Variants in INPP4B observed in about 807,000 individuals in gnomAD.
INPP4B encodes the protein inositol polyphosphate-4-phosphatase type II B.
In INPP4B, 55 loss-of-function variants were observed where a neutral mutation model predicts 122.5. That is an observed-to-expected ratio of 0.45 (90% CI 0.36 to 0.56). The LOEUF is 0.56. Among genes scored for constraint, INPP4B ranks in the 20% least tolerant of loss-of-function variants. The probability of loss-of-function intolerance (pLI) is 0.00; values close to 1 mark genes in which losing one functional copy is unlikely to be tolerated. For synonymous variants in INPP4B, 403 were observed against 388.7 expected (o/e 1.04, Z -0.43); for missense variants, 1,000 against 1,097.7 (o/e 0.91, Z 1.26).
At chr4:142,716,528 C>T (rs1163731955) in intron 2 of INPP4B, among the ~76,000 whole-genome samples, 3 of 152,250 alleles carry the variant, frequency 2.0e-5, no homozygotes, top group African/African-American at 7.2e-5. Context: ...AGTCAACATC[C>T]TGACAATTTT....
At chr4:142,437,738 C>T (rs1580061194) in intron 3 of INPP4B, among the ~76,000 whole-genome samples, 1 of 152,144 alleles carries the variant, frequency 6.6e-6, no homozygotes, top group Non-Finnish European at 1.5e-5. Context: ...TCAGAAAATA[C>T]TATAAACACC....
At chr4:142,101,409 A>C (rs751844177) in intron 23 of INPP4B, among the ~76,000 whole-genome samples, 19 of 152,132 alleles carry the variant, frequency 1.2e-4, no homozygotes, top group African/African-American at 2.2e-4. Flanking sequence ...GGAAATACTT[A>C]AGTAGCTTCA....
chr4:142,124,078 C>A (rs904441478), intron 19 of INPP4B, among the ~76,000 whole-genome samples: 7 of 151,858 alleles, frequency 4.6e-5, no homozygotes, highest in African/African-American at 7.3e-5. Context: ...TGGGTGTAGG[C>A]AAGGAAGGTG....
At chr4:142,726,238 G>A (rs1034783047) in intron 1 of INPP4B, among the ~76,000 whole-genome samples, 2 of 152,184 alleles carry the variant, frequency 1.3e-5, no homozygotes, top group African/African-American at 2.4e-5. Flanking sequence ...CAAGATGTAA[G>A]CAATGTCAGG....
At chr4:142,771,715 C>T (rs1356013667) in intron 1 of INPP4B, among the ~76,000 whole-genome samples, 1 of 152,030 alleles carries the variant, frequency 6.6e-6, no homozygotes, top group Non-Finnish European at 1.5e-5. Flanking sequence ...ACAAGAGAAA[C>T]TCTTGTGACC....
chr4:142,636,843 CTT>C (rs1176534737), intron 2 of INPP4B, among the ~76,000 whole-genome samples: 2 of 151,834 alleles, frequency 1.3e-5, no homozygotes, highest in Admixed American at 1.3e-4. Flanking sequence ...ATGGTATTAT[CTT>C]TAAATTTTTA....
intron 2 of INPP4B, among the ~76,000 whole-genome samples, chr4:142,639,507 AT>A (rs1245498658): frequency 6.6e-6 from 1 of 152,044 alleles, no homozygotes. Context: ...AGGTTATCAC[AT>A]TTTTTGGCAT....
chr4:142,455,411 T>C (rs1272646525), intron 3 of INPP4B, among the ~76,000 whole-genome samples: 1 of 152,006 alleles, frequency 6.6e-6, no homozygotes, highest in Non-Finnish European at 1.5e-5. Flanking sequence ...TGAGAACATA[T>C]GATATTTGTC....
chr4:142,246,950 T>A (rs937808088), intron 11 of INPP4B, among the ~76,000 whole-genome samples: 7 of 152,342 alleles, frequency 4.6e-5, no homozygotes, highest in Middle Eastern at 6.8e-3. Flanking sequence ...AAACAGCTCC[T>A]ATTATTTCGA....
intron 25 of INPP4B, among the ~76,000 whole-genome samples, chr4:142,076,899 A>T (rs1771064206): frequency 1.3e-5 from 2 of 152,098 alleles, no homozygotes; most frequent in African/African-American, 2.4e-5. Flanking sequence ...GCTCAAGTGG[A>T]AACAAGACTA....
intron 2 of INPP4B, among the ~76,000 whole-genome samples, chr4:142,644,199 CA>C (rs375298753): frequency 0.019 from 2,299 of 119,276 alleles, 32 homozygotes; most frequent in African/African-American, 0.046. Context: ...GAGACTGTCT[CA>C]AAAAAAAAAT....
rs1737773942 is a variant in INPP4B, at chr4:142,028,569, G to C, written c.*213C>G. On this transcript the variant is annotated 3_prime_UTR_variant, in exon 26 of 26. Coordinates refer to ENST00000262992, the MANE Select transcript of INPP4B (RefSeq NM_001101669.3). ...CACATAGAAGCTTAGAACTAGAAAT[G>C]ACAGTACTGAATCATGTAAGATTTT... The C allele has an allele frequency of 4.5e-5, 24 of 533,534 alleles. No individual in the cohort carries two copies. The South Asian group carries it at 6.5e-4, about 15-fold the overall frequency. The allele number at this position is 533,534 out of a possible 1,614,324, so 33.0% of individuals were successfully genotyped here.
At chr4:142,608,209 G>A (rs1027252514) in intron 2 of INPP4B, among the ~76,000 whole-genome samples, 1 of 152,084 alleles carries the variant, frequency 6.6e-6, no homozygotes, top group Non-Finnish European at 1.5e-5. Context: ...TGAAGGCAGA[G>A]GTTTCCTTTT....
At chr4:142,602,010 T>C (rs974361450) in intron 2 of INPP4B, among the ~76,000 whole-genome samples, 1 of 131,898 alleles carries the variant, frequency 7.6e-6, no homozygotes, top group African/African-American at 2.8e-5. Flanking sequence ...AGAAAGGAAA[T>C]AATAAAGATC....
At chr4:142,171,039 T>G (rs1332365885) in intron 16 of INPP4B, among the ~76,000 whole-genome samples, 2 of 151,716 alleles carry the variant, frequency 1.3e-5, no homozygotes, top group Non-Finnish European at 2.9e-5. Flanking sequence ...CAAGTTGAAT[T>G]TTTCTGTTGC....
intron 7 of INPP4B, among the ~76,000 whole-genome samples, chr4:142,342,626 C>T (rs1225975238): frequency 6.6e-6 from 1 of 152,086 alleles, no homozygotes; most frequent in Non-Finnish European, 1.5e-5. Flanking sequence ...AGAATTGTTG[C>T]ATATTTTCAC....
chr4:142,580,373 A>C lies in INPP4B; in HGVS notation c.-190-117647T>G, dbSNP rs2019026. On this transcript the variant is annotated intron_variant, in intron 2 of 25. Coordinates refer to ENST00000262992, the MANE Select transcript of INPP4B (RefSeq NM_001101669.3). ...CTCAGCAAATATTAGCAGTCTTAAC[A>C]TGAAACAACCCAACACACAATTTTC... Among the ~76,000 whole-genome samples, 82 of 152,116 alleles carry C rather than the reference A, an allele frequency of 5.4e-4. 1 individual carries two copies. Among genetic ancestry groups the C allele is most frequent in the African/African-American group, 1.9e-3 (80 of 41,550 alleles).
chr4:142,392,552 T>C (rs1173189076), intron 7 of INPP4B, among the ~76,000 whole-genome samples: 1 of 152,190 alleles, frequency 6.6e-6, no homozygotes, highest in Non-Finnish European at 1.5e-5. Context: ...TTAACCCACA[T>C]CATGGGTTAA....
At chr4:142,177,542 A>G (rs1365068535) in intron 15 of INPP4B, among the ~76,000 whole-genome samples, 1 of 152,194 alleles carries the variant, frequency 6.6e-6, no homozygotes, top group Admixed American at 6.5e-5. Context: ...ATTTTATAGA[A>G]TATAAATAGT....
Sources: gnomAD v4.1 joint callset for allele counts (sites outside exome capture counted in the v4.1 genomes callset) on GRCh38, gnomAD v4.1.1 for gene constraint, MANE v1.5 for transcripts, NCBI Gene and HGNC (gene_info 2026-07-23, HGNC 2026-07-21) for gene names.